Variants in HS3ST4 observed in about 807,000 individuals in gnomAD.
HS3ST4 encodes heparan sulfate-glucosamine 3-sulfotransferase 4.
A neutral mutation model predicts 29.2 loss-of-function variants in HS3ST4; 17 were observed. The ratio of observed to expected loss-of-function variants is 0.58; its 90% confidence interval spans 0.40 to 0.87. HS3ST4 has a LOEUF of 0.87. HS3ST4 is among the 40% of genes least tolerant of loss of function. HS3ST4 has a pLI of 0.00. For synonymous variants in HS3ST4, 314 were observed against 285.7 expected (o/e 1.10, Z -1.00); for missense variants, 627 against 634.5 (o/e 0.99, Z 0.13).
intron 1 of HS3ST4, among the ~76,000 whole-genome samples, chr16:26,005,479 C>T (rs1170778918): frequency 6.6e-6 from 1 of 152,152 alleles, no homozygotes; most frequent in Non-Finnish European, 1.5e-5. Flanking sequence ...TGGGCCACTT[C>T]AGCCTGGTAA....
chr16:25,899,457 G>A (rs1033977783), intron 1 of HS3ST4, among the ~76,000 whole-genome samples: 3 of 152,110 alleles, frequency 2.0e-5, no homozygotes, highest in African/African-American at 7.2e-5. Context: ...ACCCAGTTCT[G>A]TCCAGTGCAA....
At chr16:25,753,523 A>C (rs1179353822) in intron 1 of HS3ST4, among the ~76,000 whole-genome samples, 1 of 152,172 alleles carries the variant, frequency 6.6e-6, no homozygotes, top group African/African-American at 2.4e-5. Context: ...TTTATTCCTG[A>C]GAAGCTCTTT....
At chr16:26,096,391 C>T (rs1898926181) in intron 1 of HS3ST4, among the ~76,000 whole-genome samples, 1 of 152,132 alleles carries the variant, frequency 6.6e-6, no homozygotes. Flanking sequence ...AAAAGCTTAC[C>T]CACCACGATC....
At chr16:25,694,067 C>A (rs1160408225) in intron 1 of HS3ST4, among the ~76,000 whole-genome samples, 1 of 152,220 alleles carries the variant, frequency 6.6e-6, no homozygotes, top group Non-Finnish European at 1.5e-5. Context: ...GTTTCTCTTT[C>A]TCTCTTTCCT....
chr16:26,130,701 C>T (rs945326519), intron 1 of HS3ST4, among the ~76,000 whole-genome samples: 3 of 152,206 alleles, frequency 2.0e-5, no homozygotes, highest in African/African-American at 7.2e-5. Flanking sequence ...CACCTAGCAT[C>T]TGAACACCTT....
intron 1 of HS3ST4, among the ~76,000 whole-genome samples, chr16:26,037,435 T>C (rs1417733809): frequency 6.6e-6 from 1 of 152,160 alleles, no homozygotes; most frequent in Admixed American, 6.5e-5. Flanking sequence ...GAGTGTTGTG[T>C]TGTACTCACA....
intron 1 of HS3ST4, among the ~76,000 whole-genome samples, chr16:25,941,131 C>A (rs1968567263): frequency 6.6e-6 from 1 of 152,096 alleles, no homozygotes; most frequent in Non-Finnish European, 1.5e-5. Flanking sequence ...ACTCACAACC[C>A]AATACCCTGT....
intron 1 of HS3ST4, among the ~76,000 whole-genome samples, chr16:25,850,739 GAA>G (rs1967511676): frequency 6.6e-6 from 1 of 152,168 alleles, no homozygotes; most frequent in South Asian, 2.1e-4. Flanking sequence ...AGTTAAGAAA[GAA>G]AAGAGTGCTT....
At chr16:25,897,807 G>A (rs936086007) in intron 1 of HS3ST4, among the ~76,000 whole-genome samples, 2 of 152,152 alleles carry the variant, frequency 1.3e-5, no homozygotes, top group East Asian at 3.9e-4. Context: ...GTTCTTTAGA[G>A]CAAGGTTTCA....
chr16:25,711,538 G>T (rs1966415301), intron 1 of HS3ST4, among the ~76,000 whole-genome samples: 1 of 152,268 alleles, frequency 6.6e-6, no homozygotes, highest in Non-Finnish European at 1.5e-5. Context: ...TCAGGTGTTT[G>T]CTCAGTGACA....
chr16:25,719,539 G>A (rs999276562), intron 1 of HS3ST4, among the ~76,000 whole-genome samples: 3 of 152,174 alleles, frequency 2.0e-5, no homozygotes, highest in Admixed American at 6.5e-5. Context: ...GCAGTTTATC[G>A]GTATAGGAAG....
chr16:25,693,456 C>T (rs1324003251), intron 1 of HS3ST4, among the ~76,000 whole-genome samples: 1 of 152,210 alleles, frequency 6.6e-6, no homozygotes, highest in Admixed American at 6.5e-5. Context: ...CCCAGCCCTC[C>T]TGCCTGCTGG....
intron 1 of HS3ST4, among the ~76,000 whole-genome samples, chr16:25,928,990 C>T (rs1255071369): frequency 6.6e-6 from 1 of 152,010 alleles, no homozygotes; most frequent in East Asian, 1.9e-4. Flanking sequence ...GGCTTTGGTC[C>T]AAGGTGTGCA....
chr16:25,868,988 C>T (rs1967722749), intron 1 of HS3ST4, among the ~76,000 whole-genome samples: 1 of 152,050 alleles, frequency 6.6e-6, no homozygotes, highest in Admixed American at 6.6e-5. Flanking sequence ...TGTGTGTGTA[C>T]CGTGTGTGTG....
At chr16:26,080,569 G>T (rs1898713014) in intron 1 of HS3ST4, among the ~76,000 whole-genome samples, 1 of 152,144 alleles carries the variant, frequency 6.6e-6, no homozygotes, top group Non-Finnish European at 1.5e-5. Context: ...GCACTATCAA[G>T]CAGGTCACCA....
chr16:26,131,464 C>T (rs572025677), intron 1 of HS3ST4, among the ~76,000 whole-genome samples: 3 of 152,276 alleles, frequency 2.0e-5, no homozygotes, highest in Admixed American at 1.3e-4. Context: ...TGCCCTCCAG[C>T]GTTACTGGTC....
At chr16:26,019,683 A>G (rs143490427) in intron 1 of HS3ST4, among the ~76,000 whole-genome samples, 1 of 152,122 alleles carries the variant, frequency 6.6e-6, no homozygotes, top group African/African-American at 2.4e-5. Context: ...CCAGATCTGC[A>G]CAACGTTGCC....
intron 1 of HS3ST4, among the ~76,000 whole-genome samples, chr16:26,035,181 G>T (rs959169499): frequency 2.0e-5 from 3 of 152,216 alleles, no homozygotes; most frequent in African/African-American, 4.8e-5. Context: ...TCAGAAGGAA[G>T]AATACCAATG....
intron 1 of HS3ST4, among the ~76,000 whole-genome samples, chr16:25,865,159 C>A (rs1464241352): frequency 6.6e-6 from 1 of 152,102 alleles, no homozygotes; most frequent in Non-Finnish European, 1.5e-5. Flanking sequence ...TGGATATATG[C>A]CCAGAAGTGA....
Sources: gnomAD v4.1 joint callset for allele counts (sites outside exome capture counted in the v4.1 genomes callset) on GRCh38, gnomAD v4.1.1 for gene constraint, MANE v1.5 for transcripts, NCBI Gene and HGNC (gene_info 2026-07-23, HGNC 2026-07-21) for gene names.